Variants in DDC observed in about 807,000 individuals in gnomAD.
DDC encodes the protein aromatic-L-amino-acid decarboxylase.
DDC carries 43 observed loss-of-function variants against 60.0 expected under a neutral mutation model. The ratio of observed to expected loss-of-function variants is 0.72; its 90% CI spans 0.56 to 0.92. DDC has a LOEUF of 0.92. Ranked by LOEUF, DDC falls within the 40% of genes least tolerant of loss-of-function variation. The pLI is 0.00. For synonymous variants in DDC, 232 were observed against 234.6 expected, an observed-to-expected ratio of 0.99 and a Z score of 0.10; for missense variants, 573 against 620.2, an observed-to-expected ratio of 0.92 and a Z score of 0.81.
rs564516184 is a variant in DDC, at chr7:50,485,305, T to A, written c.945-5442A>T. Among the ~76,000 whole-genome samples, 9 of 152,340 alleles carry A rather than the reference T, an allele frequency of 5.9e-5. No homozygotes were observed. In the East Asian group the frequency reaches 9.6e-4, roughly 16 times the overall value. On this transcript the variant is annotated intron_variant, in intron 9 of 14. Transcript: ENST00000444124. Reference sequence around the variant, plus strand: ...TATCAAATGAACAATAAGAAGCTTATGAACAGAATAATTATTTCATTATAA... The same window carrying A: ...TATCAAATGAACAATAAGAAGCTTAAGAACAGAATAATTATTTCATTATAA...
intron 6 of DDC, among the ~76,000 whole-genome samples, chr7:50,510,778 G>A (rs1271431576): frequency 4.0e-5 from 6 of 151,246 alleles, no homozygotes; most frequent in East Asian, 3.9e-4. Flanking sequence ...TCAGGAGATC[G>A]AGACCATCCT....
chr7:50,536,131 A>G (rs10239830), intron 4 of DDC, among the ~76,000 whole-genome samples: 33,345 of 152,124 alleles, frequency 0.22, 3,804 homozygotes, highest in East Asian at 0.39. Flanking sequence ...TGAAGGACAG[A>G]CAGAACTCAA....
intron 6 of DDC, among the ~76,000 whole-genome samples, chr7:50,510,752 C>A (rs1037762063): frequency 5.3e-5 from 8 of 151,188 alleles, no homozygotes; most frequent in African/African-American, 1.9e-4. Flanking sequence ...GAGGCCAAGG[C>A]GGGCGGATCA....
chr7:50,544,057 C>A lies in DDC; in HGVS notation c.29G>T (p.Gly10Val), dbSNP rs1250346309. 1.2e-6 allele frequency: 2 copies of A among 1,614,110 alleles called. No homozygotes were observed. Among genetic ancestry groups the A allele is most frequent in the South Asian group, 2.2e-5 (2 of 91,064 alleles). The stretch of plus-strand genomic sequence containing the variant: ...GGCCATGTAATCCACCATCTCCTTC[C>A]CTCTCCTTCGGAATTCACTTGCGTT... The part of the protein sequence containing the change: MNASEFRRR[G>V]KEMVDYMANY... Residue 10 changes from glycine (G) to valine (V), a missense_variant, in exon 2 of 15, where the codon GGG (glycine) becomes GTG (valine). Coordinates refer to ENST00000444124, the MANE Select transcript of DDC (RefSeq NM_001082971.2).
intron 14 of DDC, among the ~76,000 whole-genome samples, chr7:50,461,193 T>C (rs1019676109): frequency 6.6e-6 from 1 of 152,186 alleles, no homozygotes; most frequent in Non-Finnish European, 1.5e-5. Context: ...TGAACTTAAA[T>C]AAAGGAATTT....
At chr7:50,477,796 G>A (rs2042679419) in intron 10 of DDC, among the ~76,000 whole-genome samples, 1 of 152,148 alleles carries the variant, frequency 6.6e-6, no homozygotes. Flanking sequence ...CATTAGTAAG[G>A]GAGCTTGTTA....
At chr7:50,521,991 A>G (rs907647572) in intron 6 of DDC, among the ~76,000 whole-genome samples, 3 of 150,934 alleles carry the variant, frequency 2.0e-5, no homozygotes, top group Admixed American at 2.0e-4. Flanking sequence ...GAAAAAAAGT[A>G]TCTTTGCAGA....
intron 4 of DDC, among the ~76,000 whole-genome samples, chr7:50,537,597 C>A (rs761472714): frequency 6.6e-6 from 1 of 152,188 alleles, no homozygotes; most frequent in Non-Finnish European, 1.5e-5. Context: ...TGTGAGATAG[C>A]GGCTGTGCTA....
intron 6 of DDC, among the ~76,000 whole-genome samples, chr7:50,511,399 CT>C: frequency 6.6e-6 from 1 of 152,184 alleles, no homozygotes. Flanking sequence ...GGCATGGTGG[CT>C]CATGCTTGTA....
At chr7:50,473,352 G>A (rs2042574776) in intron 11 of DDC, among the ~76,000 whole-genome samples, 1 of 152,208 alleles carries the variant, frequency 6.6e-6, no homozygotes, top group African/African-American at 2.4e-5. Flanking sequence ...GGCTGCCCGG[G>A]GCTGTCCCCA....
At chr7:50,496,176 C>T (rs1351696336) in intron 8 of DDC, among the ~76,000 whole-genome samples, 1 of 152,090 alleles carries the variant, frequency 6.6e-6, no homozygotes, top group Non-Finnish European at 1.5e-5. Context: ...CTCAACCTCC[C>T]AAGCTCAAGT....
chr7:50,519,870 G>A (rs935483998), intron 6 of DDC, among the ~76,000 whole-genome samples: 3 of 152,072 alleles, frequency 2.0e-5, no homozygotes, highest in Admixed American at 2.0e-4. Context: ...AATACCACCT[G>A]TACCCTAATA....
chr7:50,515,383 A>G (rs1276643655), intron 6 of DDC, among the ~76,000 whole-genome samples: 4 of 152,210 alleles, frequency 2.6e-5, no homozygotes, highest in Admixed American at 1.3e-4. Context: ...TTACCAAGCC[A>G]CCACTACAAG....
intron 6 of DDC, among the ~76,000 whole-genome samples, chr7:50,506,839 T>C (rs2043412515): frequency 1.3e-5 from 2 of 152,282 alleles, no homozygotes; most frequent in Admixed American, 1.3e-4. Context: ...CTCCTGGTGC[T>C]GTCAGCATCC....
intron 1 of DDC, 48 bp from the exon 2 acceptor site, chr7:50,544,161 T>A (rs2044728499): frequency 6.9e-7 from 1 of 1,440,384 alleles, no homozygotes; most frequent in Non-Finnish European, 9.8e-7. Flanking sequence ...ACCTCTGAAC[T>A]GGAAGGCGGG....
chr7:50,544,267 C>A, intron 1 of DDC, 154 bp from the exon 2 acceptor site: 1 of 668,394 alleles, frequency 1.5e-6, no homozygotes, highest in East Asian at 2.7e-5. Context: ...CCCTCCATGT[C>A]TGTAGGAGGT....
At chr7:50,524,340 A>T (rs752254701) in intron 6 of DDC, among the ~76,000 whole-genome samples, 1 of 152,260 alleles carries the variant, frequency 6.6e-6, no homozygotes, top group Non-Finnish European at 1.5e-5. Context: ...AATCAATTTT[A>T]ATAAATGTAT....
intron 11 of DDC, among the ~76,000 whole-genome samples, chr7:50,474,163 C>T (rs2042590501): frequency 6.6e-6 from 1 of 152,234 alleles, no homozygotes; most frequent in African/African-American, 2.4e-5. Flanking sequence ...TAACCGAGGC[C>T]AATGCCTTTC....
chr7:50,502,258 G>A (rs2043277343), intron 7 of DDC, among the ~76,000 whole-genome samples: 1 of 152,106 alleles, frequency 6.6e-6, no homozygotes, highest in Non-Finnish European at 1.5e-5. Context: ...CAAAGAAGAG[G>A]GGGCCCCAGA....
Sources: gnomAD v4.1 joint callset for allele counts (sites outside exome capture counted in the v4.1 genomes callset) on GRCh38, gnomAD v4.1.1 for gene constraint, MANE v1.5 for transcripts, NCBI Gene and HGNC (gene_info 2026-07-23, HGNC 2026-07-21) for gene names.